ELFN1: variants seen among roughly 807,000 people sequenced by gnomAD.
The protein encoded by ELFN1 is extracellular leucine rich repeat and fibronectin type III domain containing 1.
A neutral mutation model predicts 7.6 loss-of-function variants in ELFN1; 6 were observed. That is an observed-to-expected ratio of 0.79 (90% CI 0.43 to 1.56). The LOEUF (loss-of-function observed/expected upper bound fraction) is 1.56. ELFN1 is among the 40% of genes most tolerant of loss of function. ELFN1 has a pLI of 0.01. For synonymous variants in ELFN1, 657 were observed against 588.1 expected, an observed-to-expected ratio of 1.12 and a Z score of -1.70; for missense variants, 1,169 against 1,232.2, an observed-to-expected ratio of 0.95 and a Z score of 0.77.
rs1446532671 is a variant in ELFN1 at position 1,747,383 on chromosome 7, GA to G, written c.*301del. The G allele has an allele frequency of 7.5e-6, 2 of 265,148 alleles. No homozygotes were observed. The highest frequency in any genetic ancestry group is 2.2e-5 in the African/African-American group (1 of 44,758). 16.4% of individuals were successfully genotyped at this position (265,148 alleles called of 1,614,324 possible). ...CTTAGGGATGGGGGGTGGGGGTGGG[GA>G]TTTTTTTTTCATTATCTTTCCTCTT... On this transcript the variant is annotated 3_prime_UTR_variant, in exon 4 of 4. Transcript: ENST00000424383.
Position 1,746,686 on chromosome 7 carries a change from G to T in ELFN1, c.2090G>T (p.Gly697Val), listed in dbSNP as rs1170610943. 1.5e-5 allele frequency: 22 copies of T among 1,433,168 alleles called. No individual in the cohort carries two copies. The highest frequency in any genetic ancestry group is 1.9e-5 in the Non-Finnish European group (21 of 1,099,848). 88.8% of individuals were successfully genotyped at this position (1,433,168 alleles called of 1,614,324 possible). A position where few individuals can be genotyped will look rare whatever the true frequency, so the allele number is the denominator to read the frequency against. ...GTGCTGCGGGCCGAGGCCGAGAAGG[G>T]TCGCCAGTACGGCGAGCACCGGCAC... ...AAVLRAEAEKGRQYGEHRHSY... is the reference protein window; with the variant it reads ...AAVLRAEAEKVRQYGEHRHSY... Residue 697 changes from glycine (G) to valine (V), a missense_variant, in exon 4 of 4, where the codon GGT (glycine) becomes GTT (valine). Around this residue, in one of 2 missense-constraint regions of ELFN1, gnomAD observed 914 missense variants for 872.6 expected, o/e 1.05. Transcript: ENST00000424383.
In ELFN1 at chr7:1,695,084, ATGCACG is replaced by A. The variant is rs1779272416; in HGVS notation, c.-456+6937_-456+6942del. On this transcript the variant is annotated intron_variant, in intron 2 of 3. Transcript: ENST00000424383. This position sits in a 1 kb window ranked among gnomAD's most constrained non-coding sequence, Gnocchi z 5.1. ...TGAGTTACGCTGCAGACGGCTCCGGATGCACGTGGCTGTGCCAGGCAGCAGACGTGG... is the reference window on the plus strand; with the variant it reads ...TGAGTTACGCTGCAGACGGCTCCGGATGGCTGTGCCAGGCAGCAGACGTGG... 6.6e-6 allele frequency among the ~76,000 whole-genome samples: 1 copy of A among 152,146 alleles called. No individual in the cohort carries two copies. Among genetic ancestry groups the A allele is most frequent in the Non-Finnish European group, 1.5e-5 (1 of 68,028 alleles).
chr7:1,701,076 T>C (rs1308006974), intron 2 of ELFN1, among the ~76,000 whole-genome samples: 3 of 152,072 alleles, frequency 2.0e-5, no homozygotes, highest in African/African-American at 7.3e-5. Flanking sequence ...TGTGTATGTG[T>C]GCGTGTGTGT....
chr7:1,684,477 T>A (rs1779028048), intron 1 of ELFN1, among the ~76,000 whole-genome samples: 1 of 152,196 alleles, frequency 6.6e-6, no homozygotes, highest in African/African-American at 2.4e-5. Flanking sequence ...GCAATTTTTT[T>A]ATTTCTTATG....
intron 3 of ELFN1, among the ~76,000 whole-genome samples, chr7:1,713,961 G>A (rs926712153): frequency 2.0e-5 from 3 of 151,992 alleles, no homozygotes; most frequent in Non-Finnish European, 4.4e-5. Context: ...ATGTTGAGCC[G>A]CCGTCCAGAG....
rs1355138280 is a variant in ELFN1, at chr7:1,745,184, C to T, written c.588C>T (p.Cys196=). 2.1e-5 allele frequency: 32 copies of T among 1,547,180 alleles called. No individual in the cohort carries two copies. The highest frequency in any genetic ancestry group is 2.7e-5 in the African/African-American group (2 of 73,058). Residue 196 remains cysteine, a synonymous_variant, in exon 4 of 4, where the codon TGC becomes TGT. Coordinates refer to ENST00000424383, the MANE Select transcript of ELFN1 (RefSeq NM_001128636.4). ...ELYSNPFYCS[C]ELLGFLRWLA... The stretch of plus-strand genomic sequence containing the variant: ...ACAGCAACCCCTTCTACTGCTCCTG[C>T]GAGCTGCTGGGCTTCCTGCGCTGGC...
At chr7:1,698,235 TA>T (rs1779358454) in intron 2 of ELFN1, among the ~76,000 whole-genome samples, 1 of 152,246 alleles carries the variant, frequency 6.6e-6, no homozygotes. Context: ...CCTCATTTTC[TA>T]CTTCTAATAA....
At chr7:1,671,198 C>CT (rs1778761042) in intron 1 of ELFN1, among the ~76,000 whole-genome samples, 1 of 151,790 alleles carries the variant, frequency 6.6e-6, no homozygotes, top group East Asian at 1.9e-4. Flanking sequence ...ACGACACCCT[C>CT]TGAGATGAAA....
Position 1,744,408 on chromosome 7 carries a change from G to A in ELFN1, c.-189G>A, listed in dbSNP as rs991850984. ...GGACTGGGGCGGAAGACGAGAGGCGGCCGGCCGTGAGGGAGGCGCCCTCCC... is the reference window on the plus strand; with the variant it reads ...GGACTGGGGCGGAAGACGAGAGGCGACCGGCCGTGAGGGAGGCGCCCTCCC... On this transcript the variant is annotated 5_prime_UTR_variant, in exon 4 of 4. Transcript: ENST00000424383. 5.4e-5 allele frequency: 33 copies of A among 612,404 alleles called. No homozygotes were observed. The highest frequency in any genetic ancestry group is 8.5e-5 in the Non-Finnish European group (32 of 374,404). The allele number at this position is 612,404 out of a possible 1,614,324, so 37.9% of individuals were successfully genotyped here. A position where few individuals can be genotyped will look rare whatever the true frequency, so the allele number is the denominator to read the frequency against.
intron 2 of ELFN1, among the ~76,000 whole-genome samples, chr7:1,707,419 C>T (rs1320517605): frequency 3.3e-5 from 5 of 152,220 alleles, no homozygotes; most frequent in Non-Finnish European, 5.9e-5. Flanking sequence ...TGGGGCTTTG[C>T]GGGAGGCTGG....
At chr7:1,743,937 G>A (rs915513591) in intron 3 of ELFN1, among the ~76,000 whole-genome samples, 4 of 152,198 alleles carry the variant, frequency 2.6e-5, no homozygotes, top group African/African-American at 9.6e-5. Flanking sequence ...TATCCGACCG[G>A]GGTTGCGCCG....
upstream of ELFN1, among the ~76,000 whole-genome samples, chr7:1,666,625 G>A (rs914383623): frequency 6.6e-6 from 1 of 151,996 alleles, no homozygotes; most frequent in African/African-American, 2.4e-5. The surrounding 1 kb of genome is among the most constrained non-coding windows in gnomAD (Gnocchi z 7.9). Context: ...CAAAAAGCCG[G>A]CTGGGCAGAA....
At chr7:1,713,315 C>T (rs1409930818) in intron 3 of ELFN1, among the ~76,000 whole-genome samples, 1 of 152,232 alleles carries the variant, frequency 6.6e-6, no homozygotes, top group Non-Finnish European at 1.5e-5. Context: ...AGGCAGGTGG[C>T]AAGACAGATG....
chr7:1,746,313 A>C lies in ELFN1; in HGVS notation c.1717A>C (p.Ile573Leu). ...DKVNQIINNC[I>L]DALKSESTSF... ...GGTCAACCAGATCATCAACAACTGC[A>C]TCGACGCGCTCAAGTCCGAGTCCAC... Residue 573 changes from isoleucine to leucine, a missense_variant, in exon 4 of 4, where the codon ATC (isoleucine) becomes CTC (leucine). Coordinates refer to ENST00000424383, the MANE Select transcript of ELFN1 (RefSeq NM_001128636.4). 1 of 1,579,948 alleles carries C rather than the reference A, an allele frequency of 6.3e-7. No homozygotes were observed. The highest frequency in any genetic ancestry group is 8.6e-7 in the Non-Finnish European group (1 of 1,164,186).
chr7:1,715,246 G>A (rs1389339064), intron 3 of ELFN1, among the ~76,000 whole-genome samples: 1 of 152,196 alleles, frequency 6.6e-6, no homozygotes, highest in Non-Finnish European at 1.5e-5. Context: ...TAGTTGCCAG[G>A]CAATAGACCT....
intron 3 of ELFN1, among the ~76,000 whole-genome samples, chr7:1,714,913 A>G (rs370894852): frequency 6.6e-6 from 1 of 152,214 alleles, no homozygotes; most frequent in African/African-American, 2.4e-5. Flanking sequence ...GGGGTTGTCA[A>G]TGGTCCAGGT....
At position 1,711,577 on chromosome 7, in the gene ELFN1, A is replaced by AG. The variant is rs1221539185; in HGVS notation, c.-294+2326dup. Among the ~76,000 whole-genome samples, 3 of 5,606 alleles carry AG rather than the reference A, an allele frequency of 5.4e-4. No individual in the cohort carries two copies. In the Admixed American group the frequency reaches 5.5e-3, roughly 10 times the overall value. 3.7% of individuals were successfully genotyped at this position (5,606 alleles called of 152,430 possible). ...ACCTTGAAGAGAGAGCGAGAGAGTGAGAGAGAGAGAGAGAGAGAGAGAGAG... is the reference window on the plus strand; with the variant it reads ...ACCTTGAAGAGAGAGCGAGAGAGTGAGGAGAGAGAGAGAGAGAGAGAGAGAG... On this transcript the variant is annotated intron_variant, in intron 3 of 3. Transcript: ENST00000424383.
At chr7:1,720,837 T>C (rs532359881) in intron 3 of ELFN1, among the ~76,000 whole-genome samples, 11 of 152,092 alleles carry the variant, frequency 7.2e-5, no homozygotes, top group African/African-American at 2.4e-4. Flanking sequence ...AAGTAACGAT[T>C]ACTAAATAGT....
rs77309461 is a variant in ELFN1 at position 1,673,093 on chromosome 7, C to T, written c.-549+2739C>T. 1.2e-4 allele frequency among the ~76,000 whole-genome samples: 18 copies of T among 151,724 alleles called. No individual in the cohort carries two copies. The highest frequency in any genetic ancestry group is 9.8e-4 in the East Asian group (5 of 5,116). ...TTTGTCATCTCTCCAGCGCCCCCCC[C>T]CGCTCTTTCCTTTTTGTTTTTGTTG... On this transcript the variant is annotated intron_variant, in intron 1 of 3. Transcript: ENST00000424383. The surrounding 1 kb of genome is among the most constrained non-coding windows in gnomAD (Gnocchi z 4.7).
Sources: allele counts gnomAD v4.1 joint callset (sites outside exome capture counted in the v4.1 genomes callset), GRCh38; gene constraint gnomAD v4.1.1; regional missense constraint gnomAD v4.1.1; non-coding constraint Gnocchi (gnomAD v3.1); transcripts MANE v1.5; gene names NCBI Gene and HGNC (gene_info 2026-07-23, HGNC 2026-07-21).